Variants in DMWD observed in about 807,000 individuals in gnomAD.
DMWD encodes the protein DM1 locus, WD repeat containing.
Under a neutral mutation model 45.8 loss-of-function variants are expected in DMWD, and 19 were observed. The ratio of observed to expected loss-of-function variants is 0.41; its 90% CI spans 0.29 to 0.61. DMWD has a LOEUF of 0.61. Ranked by LOEUF, DMWD falls within the 20% of genes least tolerant of loss-of-function variation. The pLI is 0.25. For synonymous variants in DMWD, 515 were observed against 440.5 expected (o/e 1.17, Z -2.12); for missense variants, 802 against 965.2 (o/e 0.83, Z 2.24).
chr19:45,785,914 G>A lies in DMWD; in HGVS notation c.1582C>T (p.Leu528=), dbSNP rs1049170544. The A allele has an allele frequency of 3.1e-6, 5 of 1,603,146 alleles. No individual in the cohort carries two copies. In the Admixed American group the frequency reaches 8.3e-5, roughly 27 times the overall value. Residue 528 remains leucine, a synonymous_variant, in exon 3 of 5, where the codon CTG becomes TTG. Coordinates refer to ENST00000270223, the MANE Select transcript of DMWD (RefSeq NM_004943.2). ...FSIGRFATLT[L]QERRDRGAEK... ...GCCCCCCGGTCCCGCCGCTCCTGCA[G>A]TGTGAGCGTGGCGAAGCGGCCAATG...
intron 2 of DMWD, chr19:45,790,235 T>A (rs888158895): frequency 1.4e-5 from 2 of 140,678 alleles, no homozygotes; most frequent in Non-Finnish European, 3.1e-5. Flanking sequence ...TGCTTGAACC[T>A]GGGAGGCGGA....
chr19:45,792,243 G>T, intron 1 of DMWD, 73 bp downstream of exon 1: 1 of 1,519,448 alleles, frequency 6.6e-7, no homozygotes, highest in Non-Finnish European at 8.8e-7. Flanking sequence ...ATATCAATTC[G>T]GGGACCCTCC....
At position 45,784,020 on chromosome 19, in the gene DMWD, T is replaced by G; in HGVS notation, c.*223A>C. ...GATGTTTCAGAGGAAGAGGTCATTGTACTTGGCAGTGGGTGGGGGACAAGG... is the reference window on the plus strand; with the variant it reads ...GATGTTTCAGAGGAAGAGGTCATTGGACTTGGCAGTGGGTGGGGGACAAGG... On this transcript the variant is annotated 3_prime_UTR_variant, in exon 5 of 5. Coordinates refer to ENST00000270223, the MANE Select transcript of DMWD (RefSeq NM_004943.2). The G allele has an allele frequency of 1.5e-6, 1 of 645,228 alleles. No homozygotes were observed. 40.0% of individuals were successfully genotyped at this position (645,228 alleles called of 1,614,324 possible).
At position 45,783,402 on chromosome 19, in the gene DMWD, C is replaced by T. The variant is rs1209269762; in HGVS notation, c.*841G>A. The stretch of plus-strand genomic sequence containing the variant: ...ACTAGGAGGCAAGGACCGAGGAGTC[C>T]CAGCTGGGCAGGGCCTGGGAAACGT... On this transcript the variant is annotated 3_prime_UTR_variant, in exon 5 of 5. Coordinates refer to ENST00000270223, the MANE Select transcript of DMWD (RefSeq NM_004943.2). 1 of 394,978 alleles carries T rather than the reference C, an allele frequency of 2.5e-6. No individual in the cohort carries two copies. Among genetic ancestry groups the T allele is most frequent in the African/African-American group, 2.1e-5 (1 of 48,520 alleles). The allele number at this position is 394,978 out of a possible 1,614,324, so 24.5% of individuals were successfully genotyped here. A position where few individuals can be genotyped will look rare whatever the true frequency, so the allele number is the denominator to read the frequency against.
chr19:45,792,582 G>A lies in DMWD; in HGVS notation c.175C>T (p.Pro59Ser). Reference protein sequence around the residue: ...SAQTPVPPQPPQPPPGPASAS... With the variant: ...SAQTPVPPQPSQPPPGPASAS... ...GAGGCAGGGCCGGGCGGGGGCTGCG[G>A]TGGCTGAGGCGGCACCGGAGTCTGG... Residue 59 changes from proline to serine, a missense_variant, in exon 1 of 5, where the codon CCG becomes TCG. Transcript: ENST00000270223. The A allele has an allele frequency of 1.6e-6, 2 of 1,285,570 alleles. No individual in the cohort carries two copies. The highest frequency in any genetic ancestry group is 2.3e-4 in the Middle Eastern group (1 of 4,428). The allele number at this position is 1,285,570 out of a possible 1,614,324, so 79.6% of individuals were successfully genotyped here.
In DMWD at chr19:45,792,772, G is replaced by C; in HGVS notation, c.-16C>G. 8.9e-7 allele frequency: 1 copy of C among 1,119,100 alleles called. No individual in the cohort carries two copies. Among genetic ancestry groups the C allele is most frequent in the Non-Finnish European group, 1.1e-6 (1 of 916,178 alleles). The allele number at this position is 1,119,100 out of a possible 1,614,324, so 69.3% of individuals were successfully genotyped here. A position where few individuals can be genotyped will look rare whatever the true frequency, so the allele number is the denominator to read the frequency against. On this transcript the variant is annotated 5_prime_UTR_variant, in exon 1 of 5. Transcript: ENST00000270223. ...CCGCCGCCATCTTGGGCGCCCCCCG[G>C]GCCCCGCCACTGCCGGACTGCCGCC...
rs1217531503 is a variant in DMWD, at chr19:45,790,949, G to A, written c.580C>T (p.Leu194=). ...CTGGTGTCCTTTTTGATGAGATCCA[G>A]GTACTGCACTTGACCCGCTGAGAAG... ...VGFSAGQVQY[L]DLIKKDTSKL... is the part of the protein sequence containing the mutation. The change falls in exon 2 of 5, where the codon CTG becomes TTG. Residue 194 remains leucine, a synonymous_variant. Coordinates refer to ENST00000270223, the MANE Select transcript of DMWD (RefSeq NM_004943.2). 2 of 1,613,452 alleles carry A rather than the reference G, an allele frequency of 1.2e-6. No individual in the cohort carries two copies. The highest frequency in any genetic ancestry group is 1.7e-5 in the Admixed American group (1 of 59,910).
Position 45,792,725 on chromosome 19 carries a change from C to A in DMWD, c.32G>T (p.Gly11Val), listed in dbSNP as rs1244986957. Residue 11 changes from glycine (G) to valine (V), a missense_variant, in exon 1 of 5, where the codon GGC becomes GTC. Physicochemically the swap from Gly to Val is moderately radical, Grantham distance 109. This residue lies in a region of DMWD where 151 missense variants were observed against 128.1 expected (regional missense o/e 1.18). Coordinates refer to ENST00000270223, the MANE Select transcript of DMWD (RefSeq NM_004943.2). ...GCAGTCCCCCATGGCGGCGCCGGGG[C>A]CCGAGCCGCCCTCCGCGCCGCCCGC... MAAGGAEGGS[G>V]PGAAMGDCAE... 1 of 1,175,444 alleles carries A rather than the reference C, an allele frequency of 8.5e-7. No individual in the cohort carries two copies. The allele number at this position is 1,175,444 out of a possible 1,614,324, so 72.8% of individuals were successfully genotyped here. A position where few individuals can be genotyped will look rare whatever the true frequency, so the allele number is the denominator to read the frequency against.
rs764805871 is a variant in DMWD, at chr19:45,786,312, T to A, written c.1184A>T (p.Glu395Val). ...CTCCTCCTCCTCTTCGCCGCTCCGC[T>A]CCCCATCAGCACCGGCTGCTGTCGC... ...EAATAAGADG[E>V]RSGEEEEEEP... The change falls in exon 3 of 5, where the codon GAG becomes GTG. Residue 395 changes from glutamate (E) to valine (V), a missense_variant. This residue lies in a region of DMWD where 67 missense variants were observed against 57.9 expected (regional missense o/e 1.16). Transcript: ENST00000270223. 1 of 1,606,740 alleles carries A rather than the reference T, an allele frequency of 6.2e-7. No individual in the cohort carries two copies. The highest frequency in any genetic ancestry group is 1.1e-5 in the South Asian group (1 of 90,790).
rs930457149 is a variant in DMWD at position 45,790,660 on chromosome 19, A to G, written c.624+245T>C. 82 of 354,194 alleles carry G rather than the reference A, an allele frequency of 2.3e-4. 1 individual carries two copies. Among genetic ancestry groups the G allele is most frequent in the Non-Finnish European group, 6.6e-5 (13 of 195,910 alleles). 21.9% of individuals were successfully genotyped at this position (354,194 alleles called of 1,614,324 possible). A position where few individuals can be genotyped will look rare whatever the true frequency, so the allele number is the denominator to read the frequency against. On this transcript the variant is annotated intron_variant, in intron 2 of 4. Transcript: ENST00000270223. Reference sequence around the variant, plus strand: ...AGGGTGAGACTCCATCTCAAAATAAATAAATAAAAGAAAGAAAGAAAGAAA... The same window carrying G: ...AGGGTGAGACTCCATCTCAAAATAAGTAAATAAAAGAAAGAAAGAAAGAAA...
chr19:45,785,921 C>T lies in DMWD; in HGVS notation c.1575G>A (p.Thr525=), dbSNP rs778487763. The T allele has an allele frequency of 8.1e-6, 13 of 1,601,540 alleles. No individual in the cohort carries two copies. The highest frequency in any genetic ancestry group is 6.6e-5 in the South Asian group (6 of 90,812). ...GGTCCCGCCGCTCCTGCAGTGTGAG[C>T]GTGGCGAAGCGGCCAATGCTGAATG... The part of the protein sequence containing the change: ...GTPFSIGRFA[T]LTLQERRDRG... The change falls in exon 3 of 5, where the codon ACG becomes ACA. Residue 525 remains threonine, a synonymous_variant. Transcript: ENST00000270223.
chr19:45,784,290 C>G lies in DMWD; in HGVS notation c.1978G>C (p.Gly660Arg). ...GAGTTGCCTGGTTGGGAGGAGATGC[C>G]CTGGGGAAGATGAGAGGGAGAGATG... ...PRSPSKSVVEGISSQPGNSPS... is the reference protein window; with the variant it reads ...PRSPSKSVVERISSQPGNSPS... The change falls in exon 5 of 5, where the codon GGC becomes CGC. Residue 660 changes from glycine (G) to arginine (R), a missense_variant and splice_region_variant. Transcript: ENST00000270223. The G allele has an allele frequency of 2.6e-6, 4 of 1,511,206 alleles. No homozygotes were observed. Among genetic ancestry groups the G allele is most frequent in the Non-Finnish European group, 8.8e-7 (1 of 1,130,770 alleles). The allele number at this position is 1,511,206 out of a possible 1,614,324, so 93.6% of individuals were successfully genotyped here.
intron 1 of DMWD, among the ~76,000 whole-genome samples, chr19:45,791,450 G>A (rs1006206601): frequency 6.6e-6 from 1 of 151,886 alleles, no homozygotes; most frequent in Non-Finnish European, 1.5e-5. Flanking sequence ...AACTCCCTTG[G>A]GACCTAGTAC....
chr19:45,784,479 C>T, intron 4 of DMWD, 162 bp downstream of exon 4: 1 of 1,343,422 alleles, frequency 7.4e-7, no homozygotes, highest in Non-Finnish European at 1.0e-6. Flanking sequence ...AGCTTCCTGT[C>T]CTGGCAGTCA....
rs1568591850 is a variant in DMWD at position 45,785,821 on chromosome 19, T to C, written c.1675A>G (p.Ser559Gly). Residue 559 changes from serine (S) to glycine (G), a missense_variant, in exon 3 of 5, where the codon AGT (serine) becomes GGT (glycine). Physicochemically the swap from Ser to Gly is moderately conservative, Grantham distance 56. Transcript: ENST00000270223. ...ISRGGSGGSG[S>G]GGEKPSGPVP... ...GGGCCGCTGGGCTTCTCCCCACCAC[T>C]GCCACTGCCGCCACTGCCACCCCGG... The C allele has an allele frequency of 1.2e-6, 2 of 1,611,286 alleles. No individual in the cohort carries two copies. Among genetic ancestry groups the C allele is most frequent in the Admixed American group, 1.7e-5 (1 of 60,008 alleles).
chr19:45,787,213 C>T (rs1970292128), intron 2 of DMWD: 4 of 355,970 alleles, frequency 1.1e-5, no homozygotes, highest in African/African-American at 2.1e-5. Flanking sequence ...AGTAGTGGTC[C>T]GTGGCCTGTT....
In DMWD at chr19:45,791,095, G is replaced by A. The variant is rs745427704; in HGVS notation, c.442-8C>T. The A allele has an allele frequency of 8.7e-6, 14 of 1,603,320 alleles. No homozygotes were observed. Among genetic ancestry groups the A allele is most frequent in the Admixed American group, 1.7e-5 (1 of 57,902 alleles). ...CTTGTTGAGGTCAATGGACTTGAGG[G>A]GTGGGAGAAAAGGAGTTAATGGTGT... On this transcript the variant is annotated splice_region_variant and splice_polypyrimidine_tract_variant and intron_variant, in intron 1 of 4. Coordinates refer to ENST00000270223, the MANE Select transcript of DMWD (RefSeq NM_004943.2).
At chr19:45,791,129 G>A (rs1337924140) in intron 1 of DMWD, 42 bp from the exon 2 acceptor site, 4 of 1,552,548 alleles carry the variant, frequency 2.6e-6, no homozygotes, top group Admixed American at 1.9e-5. Context: ...GTATGCCACT[G>A]AGGAGAAGGA....
At chr19:45,790,735 C>T (rs933644723) in intron 2 of DMWD, 170 bp downstream of exon 2, 2 of 648,406 alleles carry the variant, frequency 3.1e-6, no homozygotes, top group Non-Finnish European at 5.2e-6. Context: ...CAGCACAGGG[C>T]CTGGGTACAG....
Sources: allele counts gnomAD v4.1 joint callset (sites outside exome capture counted in the v4.1 genomes callset), GRCh38; gene constraint gnomAD v4.1.1; regional missense constraint gnomAD v4.1.1; transcripts MANE v1.5; gene names NCBI Gene and HGNC (gene_info 2026-07-23, HGNC 2026-07-21).